The following DMAP1 variants were observed in gnomAD, a reference collection of about 807,000 sequenced individuals.
The protein encoded by DMAP1 is DNA methyltransferase 1-associated protein 1.
A neutral mutation model predicts 52.7 loss-of-function variants in DMAP1; 26 were observed. The ratio of observed to expected loss-of-function variants is 0.49; its 90% CI spans 0.36 to 0.68. The LOEUF is 0.68. Among genes scored for constraint, DMAP1 ranks in the 30% least tolerant of loss-of-function variants. DMAP1 has a pLI of 0.00. For missense variants in DMAP1, 439 were observed against 625.2 expected (o/e 0.70, Z 3.18); for synonymous variants, 231 against 246.0 (o/e 0.94, Z 0.57).
At chr1:44,215,291 C>T in intron 3 of DMAP1, 1 of 459,650 alleles carries the variant, frequency 2.2e-6, no homozygotes. Flanking sequence ...ATATCTCTTT[C>T]TCAATGCCCC....
intron 9 of DMAP1, 109 bp from the exon 10 acceptor site, chr1:44,220,450 G>T: frequency 6.3e-7 from 1 of 1,595,184 alleles, no homozygotes; most frequent in South Asian, 1.1e-5. Context: ...GAGGGTAGGA[G>T]TGGGTTGACC....
Position 44,213,485 on chromosome 1 carries a change from G to T in DMAP1, c.-269G>T. 1 of 404,768 alleles carries T rather than the reference G, an allele frequency of 2.5e-6. No individual in the cohort carries two copies. The highest frequency in any genetic ancestry group is 6.9e-4 in the Middle Eastern group (1 of 1,450). 25.1% of individuals were successfully genotyped at this position (404,768 alleles called of 1,614,324 possible). A position where few individuals can be genotyped will look rare whatever the true frequency, so the allele number is the denominator to read the frequency against. On this transcript the variant is annotated 5_prime_UTR_variant, in exon 1 of 10. Coordinates refer to ENST00000372289, the MANE Select transcript of DMAP1 (RefSeq NM_019100.5). This position sits in a 1 kb window ranked among gnomAD's most constrained non-coding sequence, Gnocchi z 4.5. ...CGGAAGTTTCTGCCGCGGCTTTGCG[G>T]GGACGGGGGAGTGGTAGTGGGGGCT... is the stretch of plus-strand genomic sequence containing the variant.
chr1:44,220,342 G>A, intron 9 of DMAP1, 33 bp downstream of exon 9: 1 of 1,527,954 alleles, frequency 6.5e-7, no homozygotes, highest in Non-Finnish European at 8.8e-7. Context: ...AGGCACGCCT[G>A]GGCCCTGCGA....
rs749079273 is a variant in DMAP1, at chr1:44,214,876, A to G, written c.371A>G (p.Tyr124Cys). 14 of 1,613,952 alleles carry G rather than the reference A, an allele frequency of 8.7e-6. No homozygotes were observed. The South Asian group carries it at 1.2e-4, about 14-fold the overall frequency. Residue 124 changes from tyrosine (Y) to cysteine (C), a missense_variant, in exon 3 of 10, where the codon TAC becomes TGC. By Grantham distance (194) the Tyr-to-Cys change is radical. Coordinates refer to ENST00000372289, the MANE Select transcript of DMAP1 (RefSeq NM_019100.5). ...CGTGCAGCGGAGGAGGGCAAGGACT[A>G]CCCCTTTGCCAGGTTCAATAAGGTA... ...WRRAAEEGKD[Y>C]PFARFNKTVQ...
Position 44,213,656 on chromosome 1 carries a change from C to CGCTTAGGTCTG in DMAP1, c.-96_-86dup. 1 of 1,124,142 alleles carries CGCTTAGGTCTG rather than the reference C, an allele frequency of 8.9e-7. No individual in the cohort carries two copies. Among genetic ancestry groups the CGCTTAGGTCTG allele is most frequent in the South Asian group, 1.5e-5 (1 of 68,806 alleles). 69.6% of individuals were successfully genotyped at this position (1,124,142 alleles called of 1,614,324 possible). A position where few individuals can be genotyped will look rare whatever the true frequency, so the allele number is the denominator to read the frequency against. Reference sequence around the variant, plus strand: ...TTGGCCCGCCCCTTCAACTCGCCTCCGCTTAGGTCTGGATTGGCCCCGCCC... The same window carrying CGCTTAGGTCTG: ...TTGGCCCGCCCCTTCAACTCGCCTCCGCTTAGGTCTGGCTTAGGTCTGGATTGGCCCCGCCC... On this transcript the variant is annotated 5_prime_UTR_variant, in exon 1 of 10. Transcript: ENST00000372289. The surrounding 1 kb of genome is among the most constrained non-coding windows in gnomAD (Gnocchi z 4.5).
rs1426025053 is a variant in DMAP1, at chr1:44,220,132, G to A, written c.1167G>A (p.Gln389=). ...GTGCCAACTGCGAGTATGAGCTGCA[G>A]ATGCTGCGGCACCGTCATGAGGCAC... ...QACANCEYEL[Q]MLRHRHEALA... is the part of the protein sequence containing the mutation. Residue 389 remains glutamine, a synonymous_variant, in exon 9 of 10, where the codon CAG becomes CAA. Transcript: ENST00000372289. 1 of 1,612,948 alleles carries A rather than the reference G, an allele frequency of 6.2e-7. No individual in the cohort carries two copies. Among genetic ancestry groups the A allele is most frequent in the Non-Finnish European group, 8.5e-7 (1 of 1,179,326 alleles).
At position 44,213,689 on chromosome 1, in the gene DMAP1, T is replaced by G; in HGVS notation, c.-65T>G. 1 of 1,486,730 alleles carries G rather than the reference T, an allele frequency of 6.7e-7. No individual in the cohort carries two copies. The allele number at this position is 1,486,730 out of a possible 1,614,324, so 92.1% of individuals were successfully genotyped here. A position where few individuals can be genotyped will look rare whatever the true frequency, so the allele number is the denominator to read the frequency against. The stretch of plus-strand genomic sequence containing the variant: ...TCTGGATTGGCCCCGCCCCCTGACC[T>G]GAGCCTGGTCCTTCTTCAGGCACTG... On this transcript the variant is annotated 5_prime_UTR_variant, in exon 1 of 10. Coordinates refer to ENST00000372289, the MANE Select transcript of DMAP1 (RefSeq NM_019100.5). The surrounding 1 kb of genome is among the most constrained non-coding windows in gnomAD (Gnocchi z 4.5).
Position 44,218,077 on chromosome 1 carries a change from C to T in DMAP1, c.394-234C>T. 1 of 616,354 alleles carries T rather than the reference C, an allele frequency of 1.6e-6. No homozygotes were observed. The highest frequency in any genetic ancestry group is 2.9e-6 in the Non-Finnish European group (1 of 339,480). 38.2% of individuals were successfully genotyped at this position (616,354 alleles called of 1,614,324 possible). ...AGGAGTGTGTGTCCCATGACTGAGG[C>T]TCTGGAGCTGGAGACAGTGAAGTTG... On this transcript the variant is annotated intron_variant, in intron 3 of 9. Transcript: ENST00000372289. The surrounding 1 kb of genome is among the most constrained non-coding windows in gnomAD (Gnocchi z 5.6).
chr1:44,217,471 A>T (rs1643818078), intron 3 of DMAP1: 1 of 152,282 alleles, frequency 6.6e-6, no homozygotes. Flanking sequence ...TCAAGGGGAA[A>T]GATAGGAATT....
At chr1:44,216,389 C>T (rs1643794232) in intron 3 of DMAP1, 1 of 152,030 alleles carries the variant, frequency 6.6e-6, no homozygotes, top group African/African-American at 2.4e-5. Flanking sequence ...ACCAACATGC[C>T]TGGCTAATTT....
At chr1:44,219,645 C>T in intron 7 of DMAP1, 161 bp from the exon 8 acceptor site, 3 of 1,165,032 alleles carry the variant, frequency 2.6e-6, no homozygotes, top group Non-Finnish European at 3.7e-6. Context: ...GTCATAGCAG[C>T]TTTCACTATA....
intron 8 of DMAP1, 40 bp from the exon 9 acceptor site, chr1:44,219,977 C>T: frequency 6.2e-7 from 1 of 1,602,098 alleles, no homozygotes; most frequent in Non-Finnish European, 8.5e-7. Context: ...CCCTCTACCA[C>T]ACCTGGGCTC....
Position 44,218,622 on chromosome 1 carries a change from ACCACATCTGTGCTAAG to A in DMAP1, c.589_604del (p.His197LeufsTer70). 6.2e-7 allele frequency: 1 copy of A among 1,613,200 alleles called. No individual in the cohort carries two copies. The highest frequency in any genetic ancestry group is 8.5e-7 in the Non-Finnish European group (1 of 1,179,304). Reference sequence around the variant, plus strand: ...GTGGAAGACCTGAAGGAGCGGTACTACCACATCTGTGCTAAGCTTGCCAACGTGCGGGCTGTGCCAG... The same window carrying A: ...GTGGAAGACCTGAAGGAGCGGTACTACTTGCCAACGTGCGGGCTGTGCCAG... On this transcript the variant is annotated frameshift_variant, in exon 5 of 10. Coordinates refer to ENST00000372289, the MANE Select transcript of DMAP1 (RefSeq NM_019100.5). LOFTEE classifies it high-confidence loss of function. The surrounding 1 kb of genome is among the most constrained non-coding windows in gnomAD (Gnocchi z 5.6).
At chr1:44,215,385 T>C in intron 3 of DMAP1, 1 of 454,650 alleles carries the variant, frequency 2.2e-6, no homozygotes, top group Non-Finnish European at 4.4e-6. Flanking sequence ...CCCATCTCAG[T>C]GAATGGCACT....
chr1:44,214,010 G>A (rs1228718091), intron 1 of DMAP1, 152 bp downstream of exon 1: 9 of 773,410 alleles, frequency 1.2e-5, no homozygotes, highest in Non-Finnish European at 1.1e-5. Flanking sequence ...TGTCATCCTT[G>A]ATGGGAGGGA....
chr1:44,219,370 G>C (rs1643863783), intron 6 of DMAP1, 36 bp from the exon 7 acceptor site: 1 of 1,550,752 alleles, frequency 6.4e-7, no homozygotes, highest in Non-Finnish European at 8.7e-7. Flanking sequence ...CCCTCTCCCT[G>C]TGACACCTTG....
chr1:44,213,851 C>G lies in DMAP1; in HGVS notation c.98C>G (p.Pro33Arg). ...ATCAGCAAGAAGGACATTATCAACCCGGACAAGGTAGCAGGGGCACCTGAA... is the reference window on the plus strand; with the variant it reads ...ATCAGCAAGAAGGACATTATCAACCGGGACAAGGTAGCAGGGGCACCTGAA... ...GTISKKDIIN[P>R]DKKKSKKSSE... Residue 33 changes from proline to arginine, a missense_variant, in exon 1 of 10, where the codon CCG becomes CGG. Coordinates refer to ENST00000372289, the MANE Select transcript of DMAP1 (RefSeq NM_019100.5). The surrounding 1 kb of genome is among the most constrained non-coding windows in gnomAD (Gnocchi z 4.5). The G allele has an allele frequency of 6.3e-7, 1 of 1,584,322 alleles. No individual in the cohort carries two copies.
intron 9 of DMAP1, 88 bp downstream of exon 9, chr1:44,220,397 C>A (rs1572035484): frequency 6.6e-7 from 1 of 1,525,890 alleles, no homozygotes; most frequent in Non-Finnish European, 8.8e-7. Context: ...CCCTCTAGTG[C>A]CTGCAGCAGG....
At position 44,213,689 on chromosome 1, in the gene DMAP1, T is replaced by C; in HGVS notation, c.-65T>C. 1.3e-6 allele frequency: 2 copies of C among 1,486,730 alleles called. No individual in the cohort carries two copies. Among genetic ancestry groups the C allele is most frequent in the Non-Finnish European group, 1.8e-6 (2 of 1,090,412 alleles). 92.1% of individuals were successfully genotyped at this position (1,486,730 alleles called of 1,614,324 possible). On this transcript the variant is annotated 5_prime_UTR_variant, in exon 1 of 10. Coordinates refer to ENST00000372289, the MANE Select transcript of DMAP1 (RefSeq NM_019100.5). This position sits in a 1 kb window ranked among gnomAD's most constrained non-coding sequence, Gnocchi z 4.5. ...TCTGGATTGGCCCCGCCCCCTGACC[T>C]GAGCCTGGTCCTTCTTCAGGCACTG...
Sources: gnomAD v4.1 joint callset for allele counts on GRCh38, gnomAD v4.1.1 for gene constraint, Gnocchi (gnomAD v3.1) non-coding constraint, MANE v1.5 for transcripts, NCBI Gene and HGNC (gene_info 2026-07-23, HGNC 2026-07-21) for gene names.